The following PAPPA2 variants were observed in gnomAD, a reference collection of about 807,000 sequenced individuals.
PAPPA2 encodes the protein pappalysin-2.
Under a neutral mutation model 176.4 loss-of-function variants are expected in PAPPA2, and 86 were observed. The ratio of observed to expected loss-of-function variants is 0.49; its 90% CI spans 0.41 to 0.58. PAPPA2 has a LOEUF of 0.58. Among genes scored for constraint, PAPPA2 ranks in the 20% least tolerant of loss-of-function variants. The probability of loss-of-function intolerance (pLI) is 0.00; values close to 1 mark genes in which losing one functional copy is unlikely to be tolerated. For synonymous variants in PAPPA2, 809 were observed against 852.2 expected (o/e 0.95, Z 0.88); for missense variants, 2,073 against 2,256.9 (o/e 0.92, Z 1.65).
At chr1:176,552,970 C>T (rs771920918) in intron 1 of PAPPA2, among the ~76,000 whole-genome samples, 16 of 152,070 alleles carry the variant, frequency 1.1e-4, no homozygotes, top group Non-Finnish European at 1.0e-4. Flanking sequence ...TTGTCATAAA[C>T]AAATAGCAAC....
chr1:176,487,378 T>C (rs1652694449), intron 1 of PAPPA2, among the ~76,000 whole-genome samples: 1 of 152,198 alleles, frequency 6.6e-6, no homozygotes, highest in Non-Finnish European at 1.5e-5. Flanking sequence ...GAAAACTGAC[T>C]CCTGGAAGAC....
chr1:176,802,251 G>A (rs1433599094), intron 21 of PAPPA2, among the ~76,000 whole-genome samples: 1 of 152,016 alleles, frequency 6.6e-6, no homozygotes, highest in Non-Finnish European at 1.5e-5. Context: ...AGGGTGGAAG[G>A]AAGATACAAC....
At chr1:176,574,130 T>C (rs1652511767) in intron 2 of PAPPA2, among the ~76,000 whole-genome samples, 1 of 152,120 alleles carries the variant, frequency 6.6e-6, no homozygotes, top group South Asian at 2.1e-4. Flanking sequence ...TACAAATGAA[T>C]GTGGAGAAGT....
chr1:176,810,781 T>A lies in PAPPA2; in HGVS notation c.5202+10649T>A, dbSNP rs1346485458. Among the ~76,000 whole-genome samples, 4 of 152,166 alleles carry A rather than the reference T, an allele frequency of 2.6e-5. No homozygotes were observed. The East Asian group carries it at 7.7e-4, about 29-fold the overall frequency. ...TGTGGGGGTGAGGTCCAGCAATCAGTTTTACCAGGCCTTTCAGAGGACTCT... is the reference window on the plus strand; with the variant it reads ...TGTGGGGGTGAGGTCCAGCAATCAGATTTACCAGGCCTTTCAGAGGACTCT... On this transcript the variant is annotated intron_variant, in intron 21 of 22. Coordinates refer to ENST00000367662, the MANE Select transcript of PAPPA2 (RefSeq NM_020318.3).
intron 12 of PAPPA2, among the ~76,000 whole-genome samples, chr1:176,732,955 G>A (rs188878122): frequency 2.9e-4 from 44 of 152,244 alleles, no homozygotes; most frequent in South Asian, 1.2e-3. Context: ...GCCCCCCTGA[G>A]CTCCACCTCT....
chr1:176,611,517 G>T (rs1185014192), intron 3 of PAPPA2, among the ~76,000 whole-genome samples: 1 of 152,140 alleles, frequency 6.6e-6, no homozygotes, highest in Non-Finnish European at 1.5e-5. Flanking sequence ...AATGGGAAAA[G>T]TCATCATCCC....
intron 2 of PAPPA2, among the ~76,000 whole-genome samples, chr1:176,590,541 A>G (rs1473906714): frequency 6.6e-6 from 1 of 152,114 alleles, no homozygotes; most frequent in Admixed American, 6.5e-5. Flanking sequence ...GCTAATGTTT[A>G]TTAATCACTT....
At chr1:176,572,120 A>G (rs1023865464) in intron 2 of PAPPA2, among the ~76,000 whole-genome samples, 4 of 152,228 alleles carry the variant, frequency 2.6e-5, no homozygotes, top group Admixed American at 1.3e-4. Context: ...TGAGACCCCA[A>G]TCTAAGTACT....
chr1:176,641,923 G>A (rs1657117779), intron 3 of PAPPA2, among the ~76,000 whole-genome samples: 1 of 151,862 alleles, frequency 6.6e-6, no homozygotes, highest in Non-Finnish European at 1.5e-5. Context: ...GTACAATTTT[G>A]CATCAAAGCC....
chr1:176,632,546 A>T (rs1176566772), intron 3 of PAPPA2, among the ~76,000 whole-genome samples: 1 of 152,142 alleles, frequency 6.6e-6, no homozygotes, highest in East Asian at 1.9e-4. Context: ...ATAAAAAATA[A>T]AAAAGAAAGT....
rs902626643 is a variant in PAPPA2, at chr1:176,610,690, G to A, written c.1991+15095G>A. Among the ~76,000 whole-genome samples the A allele has an allele frequency of 3.9e-5, 6 of 152,260 alleles. No individual in the cohort carries two copies. In the East Asian group the frequency reaches 7.7e-4, roughly 20 times the overall value. Reference sequence around the variant, plus strand: ...CACATACAAGGTCTGGGGGAGAGTGGTGATGATTAAGATAGTAAAATGGCC... The same window carrying A: ...CACATACAAGGTCTGGGGGAGAGTGATGATGATTAAGATAGTAAAATGGCC... On this transcript the variant is annotated intron_variant, in intron 3 of 22. Coordinates refer to ENST00000367662, the MANE Select transcript of PAPPA2 (RefSeq NM_020318.3).
At chr1:176,514,715 G>A (rs1013038140) in intron 1 of PAPPA2, among the ~76,000 whole-genome samples, 2 of 152,212 alleles carry the variant, frequency 1.3e-5, no homozygotes, top group African/African-American at 4.8e-5. Flanking sequence ...TTCATGGGAT[G>A]AATCTGTTTC....
intron 1 of PAPPA2, among the ~76,000 whole-genome samples, chr1:176,531,541 A>G (rs987169949): frequency 5.9e-5 from 9 of 152,142 alleles, no homozygotes; most frequent in Non-Finnish European, 8.8e-5. Flanking sequence ...AAGTTTTCCC[A>G]TAGTGTCTAG....
intron 21 of PAPPA2, among the ~76,000 whole-genome samples, chr1:176,801,680 A>C (rs532082209): frequency 6.6e-6 from 1 of 152,146 alleles, no homozygotes; most frequent in East Asian, 1.9e-4. Flanking sequence ...AAGGAGGGAG[A>C]TAAACAGACA....
rs750770781 is a variant in PAPPA2, at chr1:176,695,743, C to T, written c.2630C>T (p.Ser877Leu). The change falls in exon 7 of 23, where the codon TCA (serine) becomes TTA (leucine). Residue 877 changes from serine to leucine, a missense_variant. Ser to Leu is a moderately radical substitution (Grantham distance 145). Coordinates refer to ENST00000367662, the MANE Select transcript of PAPPA2 (RefSeq NM_020318.3). ...PISGVVYDRASGSLCGACTED... is the reference protein window; with the variant it reads ...PISGVVYDRALGSLCGACTED... The stretch of plus-strand genomic sequence containing the variant: ...CCATCCCTTTATCTCCCCAGGGCCT[C>T]AGGCAGCTTGTGTGGCGCTTGCACT... 2.5e-6 allele frequency: 4 copies of T among 1,614,060 alleles called. No homozygotes were observed. The South Asian group carries it at 4.4e-5, about 18-fold the overall frequency.
At chr1:176,623,614 C>CTTACTTT (rs1558479036) in intron 3 of PAPPA2, among the ~76,000 whole-genome samples, 9 of 88,312 alleles carry the variant, frequency 1.0e-4, no homozygotes, top group Non-Finnish European at 1.8e-4. Flanking sequence ...TTCCTTCCTT[C>CTTACTTT]CTTCCTTCCT....
At chr1:176,601,571 C>G (rs1339245194) in intron 3 of PAPPA2, among the ~76,000 whole-genome samples, 1 of 152,180 alleles carries the variant, frequency 6.6e-6, no homozygotes, top group Non-Finnish European at 1.5e-5. Flanking sequence ...GTTGAACAGA[C>G]TTACCAAGAT....
chr1:176,689,180 C>T (rs1659983137), intron 4 of PAPPA2, among the ~76,000 whole-genome samples: 1 of 152,060 alleles, frequency 6.6e-6, no homozygotes, highest in Non-Finnish European at 1.5e-5. Context: ...GGGGTGTAAA[C>T]AAGGAAAGCT....
At chr1:176,810,188 C>G (rs986157554) in intron 21 of PAPPA2, among the ~76,000 whole-genome samples, 1 of 152,096 alleles carries the variant, frequency 6.6e-6, no homozygotes, top group African/African-American at 2.4e-5. Context: ...TTTAGGAAAA[C>G]AGGAAAGGGA....
Sources: allele counts gnomAD v4.1 joint callset (sites outside exome capture counted in the v4.1 genomes callset), GRCh38; gene constraint gnomAD v4.1.1; transcripts MANE v1.5; gene names NCBI Gene and HGNC (gene_info 2026-07-23, HGNC 2026-07-21).